The following CFAP221 variants were observed in gnomAD, a reference collection of about 807,000 sequenced individuals.
The protein encoded by CFAP221 is cilia and flagella associated protein 221, also known as cilia- and flagella-associated protein 221.
CFAP221 carries 97 observed loss-of-function variants against 113.1 expected under a neutral mutation model. That is an observed-to-expected ratio of 0.86 (90% confidence interval 0.73 to 1.02). CFAP221 has a LOEUF of 1.02. Ranked by LOEUF, CFAP221 falls within the 50% of genes least tolerant of loss-of-function variation. CFAP221 has a pLI of 0.00. For synonymous variants in CFAP221, 331 were observed against 354.4 expected (o/e 0.93, Z 0.74); for missense variants, 1,025 against 1,013.4 (o/e 1.01, Z -0.16).
At position 119,627,803 on chromosome 2, in the gene CFAP221, T is replaced by G. The variant is rs765528808; in HGVS notation, c.1650+17T>G. The G allele has an allele frequency of 6.2e-7, 1 of 1,613,108 alleles. No homozygotes were observed. The highest frequency in any genetic ancestry group is 1.3e-5 in the African/African-American group (1 of 74,926). ...AACGAGTTGGTAGGTGCCGTCAGGC[T>G]TGGGGGCGGGGAGTGGACATGATCA... On this transcript the variant is annotated intron_variant, in intron 16 of 23. Coordinates refer to ENST00000413369, the MANE Select transcript of CFAP221 (RefSeq NM_001271049.2).
chr2:119,626,770 A>G (rs1012145900), intron 15 of CFAP221, among the ~76,000 whole-genome samples: 3 of 151,864 alleles, frequency 2.0e-5, no homozygotes, highest in Non-Finnish European at 2.9e-5. Context: ...AGACCCCTGG[A>G]TAATTAAAAA....
chr2:119,550,166 C>T (rs1032090443), intron 3 of CFAP221, among the ~76,000 whole-genome samples: 2 of 152,132 alleles, frequency 1.3e-5, no homozygotes, highest in African/African-American at 4.8e-5. Context: ...TGTGTGATGT[C>T]CCTCCTGTGG....
rs1686257631 is a variant in CFAP221, at chr2:119,625,667, G to A, written c.1495G>A (p.Ala499Thr). The A allele has an allele frequency of 6.2e-7, 1 of 1,611,160 alleles. No individual in the cohort carries two copies. The highest frequency in any genetic ancestry group is 8.5e-7 in the Non-Finnish European group (1 of 1,177,292). The part of the protein sequence containing the change: ...KESILRKIGQ[A>T]KQSIAQEANF... ...GAGTATACTGAGAAAGATTGGCCAA[G>A]CAAAACAATCGATAGCACAAGGTGA... Residue 499 changes from alanine to threonine, a missense_variant, in exon 15 of 24, where the codon GCA becomes ACA. Transcript: ENST00000413369.
intron 12 of CFAP221, among the ~76,000 whole-genome samples, chr2:119,610,109 G>A (rs2104694995): frequency 6.6e-6 from 1 of 152,342 alleles, no homozygotes; most frequent in Non-Finnish European, 1.5e-5. Flanking sequence ...TAAAGGTGAA[G>A]TTGGCACAGA....
intron 21 of CFAP221, among the ~76,000 whole-genome samples, chr2:119,641,940 C>A (rs1687518507): frequency 1.3e-5 from 2 of 152,222 alleles, no homozygotes; most frequent in African/African-American, 2.4e-5. Context: ...CAGCGTGTAC[C>A]GTTCTTGAGA....
At chr2:119,623,931 G>C (rs1686113703) in intron 14 of CFAP221, among the ~76,000 whole-genome samples, 1 of 152,126 alleles carries the variant, frequency 6.6e-6, no homozygotes. Context: ...AGAAAACCTA[G>C]GCAATACCAT....
At position 119,605,245 on chromosome 2, in the gene CFAP221, A is replaced by G. The variant is rs772927999; in HGVS notation, c.1089A>G (p.Lys363=). ...TGAAGGAGGCACTCTTTGAACAGAA[A>G]GTCAGACAGGACATTCACGAAGAGA... ...RQMKEALFEQ[K]VRQDIHEEME... The change falls in exon 11 of 24, where the codon AAA becomes AAG. Residue 363 remains lysine (K), a synonymous_variant. Transcript: ENST00000413369. The G allele has an allele frequency of 1.2e-6, 2 of 1,614,216 alleles. No homozygotes were observed. Among genetic ancestry groups the G allele is most frequent in the Middle Eastern group, 1.6e-4 (1 of 6,062 alleles).
At chr2:119,594,642 G>A (rs563512308) in intron 7 of CFAP221, among the ~76,000 whole-genome samples, 3 of 152,244 alleles carry the variant, frequency 2.0e-5, no homozygotes, top group African/African-American at 7.2e-5. Flanking sequence ...CACCTGTGGT[G>A]TTCTATTCAG....
At chr2:119,602,748 G>A (rs1452139757) in intron 8 of CFAP221, 3 of 985,268 alleles carry the variant, frequency 3.0e-6, no homozygotes, top group South Asian at 9.4e-5. Flanking sequence ...GATTTTTCTG[G>A]TGGCAAATAA....
intron 7 of CFAP221, among the ~76,000 whole-genome samples, chr2:119,588,710 T>G (rs971318045): frequency 6.6e-6 from 1 of 152,198 alleles, no homozygotes; most frequent in African/African-American, 2.4e-5. Flanking sequence ...TGTGGTTGTT[T>G]TGGTACTTTG....
At chr2:119,544,692 C>T (rs1679924377) in intron 1 of CFAP221, among the ~76,000 whole-genome samples, 182 bp downstream of exon 1, 1 of 152,164 alleles carries the variant, frequency 6.6e-6, no homozygotes, top group African/African-American at 2.4e-5. Flanking sequence ...GTGCGCGGGC[C>T]TGGGGCGACC....
intron 3 of CFAP221, among the ~76,000 whole-genome samples, chr2:119,549,729 T>C (rs898345699): frequency 2.0e-5 from 3 of 152,180 alleles, no homozygotes; most frequent in Non-Finnish European, 4.4e-5. Flanking sequence ...CAGATGCCCA[T>C]GCCTAATCAG....
At chr2:119,596,283 G>C (rs1384564710) in intron 7 of CFAP221, among the ~76,000 whole-genome samples, 3 of 152,186 alleles carry the variant, frequency 2.0e-5, no homozygotes, top group Admixed American at 1.3e-4. Flanking sequence ...CTCCAGCAGT[G>C]GGTGGCTAGG....
At chr2:119,620,678 C>T (rs1355488897) in intron 14 of CFAP221, among the ~76,000 whole-genome samples, 1 of 152,106 alleles carries the variant, frequency 6.6e-6, no homozygotes, top group Non-Finnish European at 1.5e-5. Flanking sequence ...GAGGAAACTG[C>T]ATCAATTAAT....
chr2:119,557,290 A>T (rs1680876178), intron 3 of CFAP221: 1 of 152,202 alleles, frequency 6.6e-6, no homozygotes, highest in African/African-American at 2.4e-5. Flanking sequence ...AGGTCTGAGA[A>T]GACACTCTGC....
chr2:119,554,650 G>A (rs1296487317), intron 3 of CFAP221, among the ~76,000 whole-genome samples: 1 of 152,188 alleles, frequency 6.6e-6, no homozygotes, highest in African/African-American at 2.4e-5. Context: ...TCAGGGCCAT[G>A]AATCGCATTG....
chr2:119,561,176 G>C (rs1681220836), intron 5 of CFAP221, among the ~76,000 whole-genome samples: 1 of 152,100 alleles, frequency 6.6e-6, no homozygotes, highest in Non-Finnish European at 1.5e-5. Flanking sequence ...TGTAGTCCCA[G>C]CTACTCGGGA....
chr2:119,556,800 C>T (rs1358208319), intron 3 of CFAP221, among the ~76,000 whole-genome samples: 2 of 152,100 alleles, frequency 1.3e-5, no homozygotes, highest in African/African-American at 4.8e-5. Context: ...GATCCACCTG[C>T]CTTGACCTCC....
intron 19 of CFAP221, chr2:119,631,152 T>C (rs1686750187): frequency 2.1e-6 from 2 of 962,584 alleles, no homozygotes; most frequent in Non-Finnish European, 1.3e-6. Context: ...AATATGTACA[T>C]ATAGGCCAAA....
Sources: allele counts gnomAD v4.1 joint callset (sites outside exome capture counted in the v4.1 genomes callset), GRCh38; gene constraint gnomAD v4.1.1; transcripts MANE v1.5; gene names NCBI Gene and HGNC (gene_info 2026-07-23, HGNC 2026-07-21).